Variants in INPP5K observed in about 807,000 individuals in gnomAD.
INPP5K encodes inositol polyphosphate-5-phosphatase K, also known as inositol polyphosphate 5-phosphatase K.
Under a neutral mutation model 53.5 loss-of-function variants are expected in INPP5K, and 35 were observed. That is an observed-to-expected ratio of 0.65 (90% CI 0.50 to 0.87). The LOEUF (loss-of-function observed/expected upper bound fraction) is 0.87, where lower values mean the gene tolerates loss of function less well. INPP5K is among the 40% of genes least tolerant of loss of function. The pLI is 0.00. For missense variants in INPP5K, 550 were observed against 586.2 expected, an observed-to-expected ratio of 0.94 and a Z score of 0.64; for synonymous variants, 253 against 232.8, an observed-to-expected ratio of 1.09 and a Z score of -0.79.
At chr17:1,510,027 C>T (rs769907566) in intron 3 of INPP5K, among the ~76,000 whole-genome samples, 4 of 152,232 alleles carry the variant, frequency 2.6e-5, no homozygotes, top group Non-Finnish European at 4.4e-5. Flanking sequence ...TGCGCCTAGG[C>T]GTGCGGGTGG....
intron 1 of INPP5K, chr17:1,515,382 C>T (rs1377022791): frequency 3.1e-6 from 3 of 975,760 alleles, no homozygotes; most frequent in Non-Finnish European, 2.4e-6. Flanking sequence ...TAAGGGGCCT[C>T]AATGACACTG....
chr17:1,513,566 C>T lies in INPP5K; in HGVS notation c.153-5G>A. 6.2e-7 allele frequency: 1 copy of T among 1,613,002 alleles called. No homozygotes were observed. ...CCAGAGTTCAATTCCTGCAAACTGA[C>T]CATGCCAGCTCAGAGGCTTGGCCCC... On this transcript the variant is annotated splice_polypyrimidine_tract_variant and splice_region_variant and intron_variant, in intron 2 of 11. Transcript: ENST00000421807.
At chr17:1,513,774 C>T in intron 2 of INPP5K, 98 bp downstream of exon 2, 1 of 1,026,676 alleles carries the variant, frequency 9.7e-7, no homozygotes, top group Non-Finnish European at 1.5e-6. Flanking sequence ...AAGCTCCCAG[C>T]CTTCAGACTC....
In INPP5K at chr17:1,513,373, G is replaced by A. The variant is rs945186285; in HGVS notation, c.261+80C>T. On this transcript the variant is annotated intron_variant, in intron 3 of 11. Transcript: ENST00000421807. ...ATGAAAGGCTGAGCAGGAGTAAGAGGAACACATCAGACCCAACAAGCAGGG... is the reference window on the plus strand; with the variant it reads ...ATGAAAGGCTGAGCAGGAGTAAGAGAAACACATCAGACCCAACAAGCAGGG... 52 of 1,066,340 alleles carry A rather than the reference G, an allele frequency of 4.9e-5. 1 individual carries two copies. In the South Asian group the frequency reaches 6.3e-4, roughly 13 times the overall value. The allele number at this position is 1,066,340 out of a possible 1,614,324, so 66.1% of individuals were successfully genotyped here. A position where few individuals can be genotyped will look rare whatever the true frequency, so the allele number is the denominator to read the frequency against.
intron 1 of INPP5K, among the ~76,000 whole-genome samples, chr17:1,514,349 C>T (rs902195962): frequency 2.6e-5 from 4 of 151,274 alleles, no homozygotes; most frequent in African/African-American, 4.9e-5. Context: ...AGATAGTGCA[C>T]GGGGTCTAGG....
chr17:1,498,198 A>G lies in INPP5K; in HGVS notation c.777-76T>C. ...TGGCTAAGAGCAGAAATGAGCCCAC[A>G]TGAGCTTGCTGGAGCCCCTAACTCC... On this transcript the variant is annotated intron_variant, in intron 7 of 11. Coordinates refer to ENST00000421807, the MANE Select transcript of INPP5K (RefSeq NM_016532.4). 7 of 1,313,686 alleles carry G rather than the reference A, an allele frequency of 5.3e-6. No individual in the cohort carries two copies. The South Asian group carries it at 6.9e-5, about 13-fold the overall frequency. The allele number at this position is 1,313,686 out of a possible 1,614,324, so 81.4% of individuals were successfully genotyped here. A position where few individuals can be genotyped will look rare whatever the true frequency, so the allele number is the denominator to read the frequency against.
At chr17:1,503,467 G>A (rs1271009465) in intron 7 of INPP5K, among the ~76,000 whole-genome samples, 1 of 152,170 alleles carries the variant, frequency 6.6e-6, no homozygotes, top group Non-Finnish European at 1.5e-5. Flanking sequence ...TCAGGCGTGA[G>A]CCACCGCACC....
rs186428657 is a variant in INPP5K at position 1,501,881 on chromosome 17, A to C, written c.777-3759T>G. On this transcript the variant is annotated intron_variant, in intron 7 of 11. Coordinates refer to ENST00000421807, the MANE Select transcript of INPP5K (RefSeq NM_016532.4). The stretch of plus-strand genomic sequence containing the variant: ...AAAACACACACACACACACACACAC[A>C]CAAATTTGCCAGGCGTGGTGGCATG... 3.3e-3 allele frequency among the ~76,000 whole-genome samples: 499 copies of C among 151,440 alleles called. 4 individuals are homozygous for C. Among genetic ancestry groups the C allele is most frequent in the African/African-American group, 0.011 (457 of 41,188 alleles).
chr17:1,500,421 C>G (rs552400366), intron 7 of INPP5K, among the ~76,000 whole-genome samples: 101 of 151,590 alleles, frequency 6.7e-4, no homozygotes, highest in African/African-American at 2.3e-3. Flanking sequence ...CTGGAGTGCA[C>G]TGGCGCAATC....
Position 1,509,083 on chromosome 17 carries a change from G to A in INPP5K, c.554+95C>T, listed in dbSNP as rs1317567406. 27 of 1,101,128 alleles carry A rather than the reference G, an allele frequency of 2.5e-5. 1 individual carries two copies. Among genetic ancestry groups the A allele is most frequent in the South Asian group, 1.5e-4 (11 of 74,190 alleles). 68.2% of individuals were successfully genotyped at this position (1,101,128 alleles called of 1,614,324 possible). A position where few individuals can be genotyped will look rare whatever the true frequency, so the allele number is the denominator to read the frequency against. On this transcript the variant is annotated intron_variant, in intron 5 of 11. Transcript: ENST00000421807. ...TGGGGGTCAGCGTGGGGCAGAGGGC[G>A]GGGAGCGGTCTGCAGACCCAGGCTC...
At position 1,508,570 on chromosome 17, in the gene INPP5K, TAAGC is replaced by T. The variant is rs543702181; in HGVS notation, c.555-348_555-345del. 251 of 317,658 alleles carry T rather than the reference TAAGC, an allele frequency of 7.9e-4. 1 individual carries two copies. Among genetic ancestry groups the T allele is most frequent in the African/African-American group, 5.2e-3 (238 of 45,922 alleles). 19.7% of individuals were successfully genotyped at this position (317,658 alleles called of 1,614,324 possible). A position where few individuals can be genotyped will look rare whatever the true frequency, so the allele number is the denominator to read the frequency against. ...CCTGTTCCCAAGTGTTCAGGGTTTCTAAGCAAGACAGACGGGCTGGAGGAAGGGG... is the reference window on the plus strand; with the variant it reads ...CCTGTTCCCAAGTGTTCAGGGTTTCTAAGACAGACGGGCTGGAGGAAGGGG... On this transcript the variant is annotated intron_variant, in intron 5 of 11. Coordinates refer to ENST00000421807, the MANE Select transcript of INPP5K (RefSeq NM_016532.4).
At chr17:1,502,214 T>G (rs1385710272) in intron 7 of INPP5K, among the ~76,000 whole-genome samples, 1 of 152,030 alleles carries the variant, frequency 6.6e-6, no homozygotes, top group Non-Finnish European at 1.5e-5. Context: ...CCAGGCGTGG[T>G]GACGGGCGCC....
intron 7 of INPP5K, among the ~76,000 whole-genome samples, chr17:1,502,147 A>T (rs2075035587): frequency 6.6e-6 from 1 of 152,024 alleles, no homozygotes; most frequent in Admixed American, 6.6e-5. Flanking sequence ...CAGGACATGG[A>T]GACCATCCTG....
In INPP5K at chr17:1,509,713, T is replaced by G; in HGVS notation, c.348A>C (p.Lys116Asn). The G allele has an allele frequency of 1.2e-6, 2 of 1,612,464 alleles. No homozygotes were observed. The highest frequency in any genetic ancestry group is 1.7e-6 in the Non-Finnish European group (2 of 1,178,654). ...ACCCAAACAGGCCAGTGGGGGTGGA[T>G]TTAGTAGACAGAATCTGGATATAGG... ...HLPYIQILST[K>N]STPTGLFGYW... Residue 116 changes from lysine to asparagine, a missense_variant, in exon 4 of 12, where the codon AAA becomes AAC. Physicochemically the swap from Lys to Asn is moderately conservative, Grantham distance 94. Coordinates refer to ENST00000421807, the MANE Select transcript of INPP5K (RefSeq NM_016532.4).
chr17:1,510,831 G>C (rs1168977257), intron 3 of INPP5K, among the ~76,000 whole-genome samples: 1 of 151,840 alleles, frequency 6.6e-6, no homozygotes, highest in Non-Finnish European at 1.5e-5. Flanking sequence ...TTGCCATATT[G>C]CCCAGGGTGG....
rs2075261620 is a variant in INPP5K, at chr17:1,509,712, A to AT, written c.348dup (p.Ser117IlefsTer49). ...TACCCAAACAGGCCAGTGGGGGTGG[A>AT]TTTAGTAGACAGAATCTGGATATAG... On this transcript the variant is annotated frameshift_variant, in exon 4 of 12. Coordinates refer to ENST00000421807, the MANE Select transcript of INPP5K (RefSeq NM_016532.4). LOFTEE classifies it high-confidence loss of function. 1.9e-6 allele frequency: 3 copies of AT among 1,612,560 alleles called. No homozygotes were observed. The highest frequency in any genetic ancestry group is 1.3e-5 in the African/African-American group (1 of 74,834).
chr17:1,515,340 C>T (rs1238965586), intron 1 of INPP5K: 1 of 741,470 alleles, frequency 1.3e-6, no homozygotes, highest in Non-Finnish European at 1.6e-6. Flanking sequence ...TCCACCTCAG[C>T]TTACAAGTCT....
At chr17:1,508,282 A>G in intron 5 of INPP5K, 56 bp from the exon 6 acceptor site, 1 of 1,391,758 alleles carries the variant, frequency 7.2e-7, no homozygotes, top group South Asian at 1.2e-5. Context: ...GGGAAGGGAG[A>G]TCACCAGGTG....
In INPP5K at chr17:1,494,961, G is replaced by C. The variant is rs2074789715; in HGVS notation, c.*862C>G. The C allele has an allele frequency of 6.6e-6, 1 of 152,298 alleles. No individual in the cohort carries two copies. The highest frequency in any genetic ancestry group is 2.1e-4 in the South Asian group (1 of 4,832). The allele number at this position is 152,298 out of a possible 1,614,324, so 9.4% of individuals were successfully genotyped here. ...CTGAGGTCCCGGGGGGTCCAGGGGG[G>C]GCCCGTCGTCAATGGCTCCTGACAA... is the stretch of plus-strand genomic sequence containing the variant. On this transcript the variant is annotated 3_prime_UTR_variant, in exon 12 of 12. Coordinates refer to ENST00000421807, the MANE Select transcript of INPP5K (RefSeq NM_016532.4).
Sources: gnomAD v4.1 joint callset for allele counts (sites outside exome capture counted in the v4.1 genomes callset) on GRCh38, gnomAD v4.1.1 for gene constraint, MANE v1.5 for transcripts, NCBI Gene and HGNC (gene_info 2026-07-23, HGNC 2026-07-21) for gene names.